The following C12orf42 variants were observed in gnomAD, a reference collection of about 807,000 sequenced individuals.
The protein encoded by C12orf42 is chromosome 12 open reading frame 42.
In C12orf42, 25 loss-of-function variants were observed where a neutral mutation model predicts 21.6. The ratio of observed to expected loss-of-function variants is 1.16; its 90% CI spans 0.84 to 1.62. The LOEUF (loss-of-function observed/expected upper bound fraction) is 1.62. Ranked by LOEUF, C12orf42 falls within the 40% of genes most tolerant of loss-of-function variation. The pLI is 0.00. For missense variants in C12orf42, 483 were observed against 459.3 expected (o/e 1.05, Z -0.47); for synonymous variants, 174 against 175.0 (o/e 0.99, Z 0.05).
chr12:103,265,753 T>C (rs1215122885), downstream of C12orf42, among the ~76,000 whole-genome samples: 1 of 152,092 alleles, frequency 6.6e-6, no homozygotes, highest in Non-Finnish European at 1.5e-5. Flanking sequence ...CGTGGTAAAA[T>C]AGAGTTCAGA....
At chr12:103,206,521 TACACACAC>T in the C12orf42 span, among the ~76,000 whole-genome samples, 1 of 148,610 alleles carries the variant, frequency 6.7e-6, no homozygotes, top group African/African-American at 2.5e-5. Flanking sequence ...TTTTCTATAT[TACACACAC>T]ACACACACAC....
At chr12:103,132,499 G>A in the C12orf42 span, among the ~76,000 whole-genome samples, 1 of 152,128 alleles carries the variant, frequency 6.6e-6, no homozygotes, top group Non-Finnish European at 1.5e-5. Context: ...TTGCTCCAGA[G>A]ATGGAACTCA....
At chr12:103,336,746 T>A (rs1203709636) in intron 4 of C12orf42, among the ~76,000 whole-genome samples, 1 of 152,238 alleles carries the variant, frequency 6.6e-6, no homozygotes, top group Non-Finnish European at 1.5e-5. Flanking sequence ...GTCTTTTTTT[T>A]ATACGCATCA....
At chr12:103,144,731 C>T in the C12orf42 span, among the ~76,000 whole-genome samples, 1 of 152,184 alleles carries the variant, frequency 6.6e-6, no homozygotes, top group East Asian at 1.9e-4. Flanking sequence ...AAAACAATCA[C>T]ATCATCCATT....
At position 103,258,309 on chromosome 12, in the gene C12orf42, G is replaced by A. The variant is rs1260700471; in HGVS notation, c.*1366+5017C>T. On this transcript the variant is annotated intron_variant and NMD_transcript_variant, in intron 10 of 10. Transcript: ENST00000547347. ...TGAATGCTGTGATCATATAGATATC[G>A]TAAACTGCCCTAAAAAAGTGATCAG... 3.9e-5 allele frequency among the ~76,000 whole-genome samples: 6 copies of A among 152,092 alleles called. No individual in the cohort carries two copies. The East Asian group carries it at 5.8e-4, about 15-fold the overall frequency.
At chr12:103,374,715 A>G (rs1321305119) in intron 3 of C12orf42, among the ~76,000 whole-genome samples, 2 of 152,166 alleles carry the variant, frequency 1.3e-5, no homozygotes, top group African/African-American at 4.8e-5. Context: ...AAGAAAGTTG[A>G]TGAATTTGTG....
chr12:103,060,476 T>C, the C12orf42 span, among the ~76,000 whole-genome samples: 1 of 152,156 alleles, frequency 6.6e-6, no homozygotes, highest in Non-Finnish European at 1.5e-5. Flanking sequence ...AAAAAACTAC[T>C]TTAAATTTCA....
chr12:103,308,271 T>G (rs934699565), intron 4 of C12orf42, among the ~76,000 whole-genome samples: 2 of 152,164 alleles, frequency 1.3e-5, no homozygotes, highest in African/African-American at 4.8e-5. Flanking sequence ...CTTATTATAG[T>G]GCAACATAAA....
intron 4 of C12orf42, among the ~76,000 whole-genome samples, chr12:103,327,833 A>G (rs2040849842): frequency 6.6e-6 from 1 of 152,266 alleles, no homozygotes. Context: ...TTTCAACACT[A>G]GAAATTCAGT....
rs537189269 is a variant in C12orf42, at chr12:103,401,096, A to T, written c.147+511T>A. The stretch of plus-strand genomic sequence containing the variant: ...CTCCATGTTCACATCGTAGTCATTC[A>T]TAGTCATGCATATGCACATCGTAGG... On this transcript the variant is annotated intron_variant, in intron 3 of 5. Coordinates refer to ENST00000548883, the MANE Select transcript of C12orf42 (RefSeq NM_198521.5). Among the ~76,000 whole-genome samples the T allele has an allele frequency of 2.4e-4, 36 of 152,316 alleles. No individual in the cohort carries two copies. The South Asian group carries it at 6.6e-3, about 28-fold the overall frequency.
intron 3 of C12orf42, among the ~76,000 whole-genome samples, chr12:103,376,656 T>C (rs2045723803): frequency 6.6e-6 from 1 of 152,236 alleles, no homozygotes; most frequent in Admixed American, 6.5e-5. Flanking sequence ...TTGTGAGCTA[T>C]CTGGGAGATG....
At chr12:103,065,422 C>T in the C12orf42 span, among the ~76,000 whole-genome samples, 2 of 152,218 alleles carry the variant, frequency 1.3e-5, no homozygotes, top group Non-Finnish European at 2.9e-5. Context: ...AATTTGCCTT[C>T]AGCTGGCAAG....
chr12:103,479,388 G>A (rs1954300493), intron 1 of C12orf42, among the ~76,000 whole-genome samples: 1 of 152,006 alleles, frequency 6.6e-6, no homozygotes, highest in Non-Finnish European at 1.5e-5. Flanking sequence ...AAGAAGACTA[G>A]GTGTGGAGTT....
chr12:103,212,620 T>C, the C12orf42 span, among the ~76,000 whole-genome samples: 2 of 152,230 alleles, frequency 1.3e-5, no homozygotes, highest in Non-Finnish European at 2.9e-5. Flanking sequence ...TCTCTCTTTT[T>C]GTGATGTTAG....
At chr12:103,276,734 T>C (rs1197326825) in intron 5 of C12orf42, among the ~76,000 whole-genome samples, 1 of 152,208 alleles carries the variant, frequency 6.6e-6, no homozygotes, top group Non-Finnish European at 1.5e-5. Context: ...TATCATAACG[T>C]AATGAAAGCT....
intron 2 of C12orf42, among the ~76,000 whole-genome samples, chr12:103,407,279 C>A (rs577332248): frequency 2.0e-5 from 3 of 152,062 alleles, no homozygotes; most frequent in Admixed American, 6.6e-5. Context: ...CTTTATTTTT[C>A]TTCCCTCAAC....
At chr12:103,443,666 T>C (rs926214009) in intron 2 of C12orf42, among the ~76,000 whole-genome samples, 2 of 152,124 alleles carry the variant, frequency 1.3e-5, no homozygotes, top group Admixed American at 6.6e-5. Flanking sequence ...TGTAATTAAA[T>C]GTTGAAGTCA....
At chr12:103,098,690 A>G in the C12orf42 span, among the ~76,000 whole-genome samples, 1 of 152,214 alleles carries the variant, frequency 6.6e-6, no homozygotes, top group African/African-American at 2.4e-5. Context: ...GCTGCCTAAG[A>G]GAGGCACCAA....
At chr12:103,530,634 G>A in the C12orf42 span, among the ~76,000 whole-genome samples, 2 of 152,068 alleles carry the variant, frequency 1.3e-5, no homozygotes, top group African/African-American at 4.8e-5. Flanking sequence ...TTCGGGGGGG[G>A]AAAACCCACA....
Sources: allele counts gnomAD v4.1 joint callset (sites outside exome capture counted in the v4.1 genomes callset), GRCh38; gene constraint gnomAD v4.1.1; transcripts MANE v1.5; gene names NCBI Gene and HGNC (gene_info 2026-07-23, HGNC 2026-07-21).